Variants in NRXN3 observed in about 807,000 individuals in gnomAD.
NRXN3 encodes neurexin 3, also known as neurexin III.
In NRXN3, 32 loss-of-function variants were observed where a neutral mutation model predicts 137.6. The ratio of observed to expected loss-of-function variants is 0.23; its 90% CI spans 0.18 to 0.31. The LOEUF (loss-of-function observed/expected upper bound fraction) is 0.31. NRXN3 is among the 10% of genes least tolerant of loss of function. NRXN3 has a pLI of 1.00. For missense variants in NRXN3, 1,574 were observed against 2,062.5 expected, an observed-to-expected ratio of 0.76 and a Z score of 4.59; for synonymous variants, 798 against 784.5, an observed-to-expected ratio of 1.02 and a Z score of -0.29.
intron 4 of NRXN3, among the ~76,000 whole-genome samples, chr14:78,421,526 G>C (rs2093444722): frequency 1.3e-5 from 2 of 151,998 alleles, no homozygotes; most frequent in Non-Finnish European, 2.9e-5. Flanking sequence ...GATAGATTTA[G>C]GTATAAAATG....
intron 4 of NRXN3, among the ~76,000 whole-genome samples, chr14:78,528,580 G>A (rs752314383): frequency 1.4e-4 from 21 of 152,206 alleles, no homozygotes; most frequent in Non-Finnish European, 2.9e-4. Context: ...CAGAAATTAT[G>A]GGTTTAGTAC....
At chr14:78,745,728 G>A (rs2098604108) in intron 8 of NRXN3, among the ~76,000 whole-genome samples, 1 of 152,094 alleles carries the variant, frequency 6.6e-6, no homozygotes, top group African/African-American at 2.4e-5. Context: ...AGTGAGAGGG[G>A]CACTTGGTCA....
intron 16 of NRXN3, among the ~76,000 whole-genome samples, chr14:79,511,480 C>T (rs2096931953): frequency 6.6e-6 from 1 of 152,204 alleles, no homozygotes; most frequent in Non-Finnish European, 1.5e-5. Flanking sequence ...CACCAGCTAT[C>T]TAATGCTGTC....
At chr14:78,437,909 G>T (rs925329649) in intron 4 of NRXN3, among the ~76,000 whole-genome samples, 4 of 152,140 alleles carry the variant, frequency 2.6e-5, no homozygotes, top group South Asian at 4.1e-4. Context: ...AGATGTAGAA[G>T]ATACCCTGGA....
chr14:78,470,879 A>G (rs2095251335), intron 4 of NRXN3, among the ~76,000 whole-genome samples: 1 of 152,166 alleles, frequency 6.6e-6, no homozygotes, highest in Non-Finnish European at 1.5e-5. Context: ...CATTTCACAG[A>G]TGGAAAAATT....
At chr14:79,754,580 A>G (rs2099012661) in intron 19 of NRXN3, among the ~76,000 whole-genome samples, 1 of 137,608 alleles carries the variant, frequency 7.3e-6, no homozygotes, top group Non-Finnish European at 1.5e-5. Context: ...ATACACACAC[A>G]CACACACACA....
chr14:79,353,524 A>C (rs1314245015), intron 15 of NRXN3, among the ~76,000 whole-genome samples: 1 of 152,106 alleles, frequency 6.6e-6, no homozygotes, highest in African/African-American at 2.4e-5. Context: ...AAGCTGCATC[A>C]TGTATCATAA....
At position 78,487,770 on chromosome 14, in the gene NRXN3, AAT is replaced by A. The variant is rs1326768605; in HGVS notation, c.758-157348_758-157347del. On this transcript the variant is annotated intron_variant, in intron 4 of 20. Coordinates refer to ENST00000335750, the MANE Select transcript of NRXN3 (RefSeq NM_001330195.2). ...AAATAAATAAATAAATAAATAAATA[AAT>A]AAATAAATAAATAAATAAAGATAGA... Among the ~76,000 whole-genome samples, 21 of 151,554 alleles carry A rather than the reference AAT, an allele frequency of 1.4e-4. No homozygotes were observed. In the East Asian group the frequency reaches 3.9e-3, roughly 28 times the overall value.
intron 20 of NRXN3, among the ~76,000 whole-genome samples, chr14:79,824,236 C>T (rs1463793472): frequency 1.3e-5 from 2 of 152,106 alleles, no homozygotes; most frequent in African/African-American, 2.4e-5. Flanking sequence ...ATAGGATGTC[C>T]AGAAAATTAA....
At chr14:78,667,140 A>G (rs750227396) in intron 6 of NRXN3, among the ~76,000 whole-genome samples, 7 of 152,082 alleles carry the variant, frequency 4.6e-5, no homozygotes, top group Non-Finnish European at 8.8e-5. Flanking sequence ...CTGAATTCCA[A>G]GCACACTTAA....
At chr14:79,806,461 G>A (rs2099205635) in intron 20 of NRXN3, among the ~76,000 whole-genome samples, 1 of 152,122 alleles carries the variant, frequency 6.6e-6, no homozygotes, top group Non-Finnish European at 1.5e-5. Flanking sequence ...ATTCTGGAGT[G>A]TAATCTGTTC....
chr14:78,669,221 A>G (rs903613785), intron 6 of NRXN3, among the ~76,000 whole-genome samples: 5 of 152,162 alleles, frequency 3.3e-5, no homozygotes, highest in African/African-American at 1.2e-4. Context: ...CATGATAAGC[A>G]TAGAGAACTA....
chr14:79,799,030 G>A (rs1380369989), intron 19 of NRXN3, among the ~76,000 whole-genome samples: 6 of 152,018 alleles, frequency 3.9e-5, no homozygotes, highest in East Asian at 3.9e-4. Context: ...GCTTTCTTCT[G>A]TCCCAGCTTT....
In NRXN3 at chr14:78,435,965, T is replaced by C. The variant is rs1304128336; in HGVS notation, c.757+138105T>C. 2.0e-5 allele frequency among the ~76,000 whole-genome samples: 3 copies of C among 152,210 alleles called. No homozygotes were observed. In the South Asian group the frequency reaches 6.2e-4, roughly 31 times the overall value. Reference sequence around the variant, plus strand: ...TCTTAGAAGGTATTTTAAGGGAATATGACAGGAGCAGGAACCCAGAGCAAT... The same window carrying C: ...TCTTAGAAGGTATTTTAAGGGAATACGACAGGAGCAGGAACCCAGAGCAAT... On this transcript the variant is annotated intron_variant, in intron 4 of 20. Transcript: ENST00000335750.
chr14:79,139,926 T>TA (rs1281563815), intron 15 of NRXN3, among the ~76,000 whole-genome samples: 4 of 149,308 alleles, frequency 2.7e-5, no homozygotes, highest in African/African-American at 9.8e-5. Context: ...TATATATATA[T>TA]CATATACATG....
chr14:79,052,834 C>A (rs1209618733), intron 15 of NRXN3, among the ~76,000 whole-genome samples: 2 of 152,164 alleles, frequency 1.3e-5, no homozygotes, highest in Non-Finnish European at 2.9e-5. Context: ...TTCTGGGTTT[C>A]CTTTTTTGCA....
intron 4 of NRXN3, among the ~76,000 whole-genome samples, chr14:78,357,656 G>A (rs1040493873): frequency 6.6e-6 from 1 of 152,114 alleles, no homozygotes; most frequent in South Asian, 2.1e-4. Flanking sequence ...AGCCAATACA[G>A]AAGGCCTCAA....
intron 20 of NRXN3, among the ~76,000 whole-genome samples, chr14:79,858,977 TAAAAAAAAGA>T (rs2099408644): frequency 5.0e-5 from 2 of 40,010 alleles, no homozygotes. Context: ...GTTCACAATG[TAAAAAAAAGA>T]AAAAAAAAAA....
At chr14:79,804,349 A>G (rs1433516899) in intron 19 of NRXN3, among the ~76,000 whole-genome samples, 1 of 152,056 alleles carries the variant, frequency 6.6e-6, no homozygotes, top group Non-Finnish European at 1.5e-5. Flanking sequence ...CACAGCTGAT[A>G]CTCAGTCTCC....
Sources: allele counts gnomAD v4.1 joint callset (sites outside exome capture counted in the v4.1 genomes callset), GRCh38; gene constraint gnomAD v4.1.1; transcripts MANE v1.5; gene names NCBI Gene and HGNC (gene_info 2026-07-23, HGNC 2026-07-21).